CNKSR1: variants seen among roughly 807,000 people sequenced by gnomAD.
CNKSR1 encodes CNK homolog protein 1.
In CNKSR1, 88 loss-of-function variants were observed where a neutral mutation model predicts 95.6. That is an observed-to-expected ratio of 0.92 (90% confidence interval 0.78 to 1.10). The LOEUF is 1.10. Ranked by LOEUF, CNKSR1 falls within the 50% of genes least tolerant of loss-of-function variation. The pLI is 0.00. For missense variants in CNKSR1, 836 were observed against 912.0 expected (o/e 0.92, Z 1.07); for synonymous variants, 355 against 369.7 (o/e 0.96, Z 0.46).
Position 26,189,871 on chromosome 1 carries a change from A to T in CNKSR1, c.*323A>T. ...GGCTACTTTCCAACCAAATAAAGTC[A>T]ATTTTTCTAAGAATGAGTCTACATG... On this transcript the variant is annotated 3_prime_UTR_variant, in exon 21 of 21. Transcript: ENST00000361530. 1 of 551,296 alleles carries T rather than the reference A, an allele frequency of 1.8e-6. No individual in the cohort carries two copies. The highest frequency in any genetic ancestry group is 3.3e-6 in the Non-Finnish European group (1 of 300,942). 34.2% of individuals were successfully genotyped at this position (551,296 alleles called of 1,614,324 possible).
chr1:26,185,803 T>C (rs2088740594), intron 14 of CNKSR1, among the ~76,000 whole-genome samples: 1 of 152,118 alleles, frequency 6.6e-6, no homozygotes, highest in East Asian at 1.9e-4. Flanking sequence ...AATGCTGGGA[T>C]TATAGGCGTG....
At chr1:26,181,770 A>G in intron 3 of CNKSR1, 87 bp from the exon 4 acceptor site, 3 of 1,297,446 alleles carry the variant, frequency 2.3e-6, no homozygotes, top group Non-Finnish European at 3.3e-6. Context: ...ATTATCCCCA[A>G]GTCTCTGAGG....
intron 14 of CNKSR1, 95 bp downstream of exon 14, chr1:26,185,281 A>G: frequency 4.5e-6 from 6 of 1,346,404 alleles, no homozygotes; most frequent in South Asian, 1.3e-5. Flanking sequence ...TTCCTGGTCC[A>G]AGGCTTTGAT....
In CNKSR1 at chr1:26,184,060, T is replaced by A; in HGVS notation, c.856-11T>A. The A allele has an allele frequency of 6.5e-7, 1 of 1,548,018 alleles. No homozygotes were observed. The highest frequency in any genetic ancestry group is 1.1e-5 in the South Asian group (1 of 89,776). On this transcript the variant is annotated splice_polypyrimidine_tract_variant and intron_variant, in intron 9 of 20. Coordinates refer to ENST00000361530, the MANE Select transcript of CNKSR1 (RefSeq NM_006314.3). ...CCTGTCTCCATTGCTTTGTTCCTGG[T>A]TGTTCCCCAGACGCCCCCTCAGGTC...
rs1439297560 is a variant in CNKSR1 at position 26,188,306 on chromosome 1, A to T, written c.1527A>T (p.Glu509Asp). ...SPGRAPPPRE[E>D]DCYSETEAED... is the part of the protein sequence containing the mutation. ...GCCGGGCCCCCCCACCCCGAGAGGA[A>T]GGTAGGTGTCTCGCAGGGTTGAGTG... The change falls in exon 17 of 21, where the codon GAA becomes GAT. Residue 509 changes from glutamate (E) to aspartate (D), a missense_variant and splice_region_variant. Coordinates refer to ENST00000361530, the MANE Select transcript of CNKSR1 (RefSeq NM_006314.3). 1.2e-6 allele frequency: 2 copies of T among 1,613,922 alleles called. No individual in the cohort carries two copies. Among genetic ancestry groups the T allele is most frequent in the Non-Finnish European group, 1.7e-6 (2 of 1,179,916 alleles).
chr1:26,188,405 T>C (rs745749609), intron 17 of CNKSR1, 37 bp from the exon 18 acceptor site: 4 of 1,606,992 alleles, frequency 2.5e-6, no homozygotes, highest in South Asian at 2.2e-5. Flanking sequence ...GGCCACTCCC[T>C]GGCCTCCCAA....
At chr1:26,183,486 G>A in intron 8 of CNKSR1, 72 bp downstream of exon 8, 1 of 1,506,606 alleles carries the variant, frequency 6.6e-7, no homozygotes, top group South Asian at 1.1e-5. Flanking sequence ...TGGGTGGGGA[G>A]GCAACCAAGG....
chr1:26,187,420 G>C lies in CNKSR1; in HGVS notation c.1392G>C (p.Gln464His). The change falls in exon 16 of 21, where the codon CAG (glutamine) becomes CAC (histidine). Residue 464 changes from glutamine to histidine, a missense_variant. Coordinates refer to ENST00000361530, the MANE Select transcript of CNKSR1 (RefSeq NM_006314.3). ...GHDQKKKYVF[Q>H]LTHDVYKPFI... ...CTCCACTACCTGGCAGTGTGTTTCA[G>C]CTCACCCATGATGTGTACAAACCCT... 1 of 1,614,046 alleles carries C rather than the reference G, an allele frequency of 6.2e-7. No homozygotes were observed. The highest frequency in any genetic ancestry group is 8.5e-7 in the Non-Finnish European group (1 of 1,179,996).
At position 26,182,532 on chromosome 1, in the gene CNKSR1, A is replaced by T. The variant is rs749620417; in HGVS notation, c.572A>T (p.Glu191Val). 1.2e-6 allele frequency: 2 copies of T among 1,613,814 alleles called. No individual in the cohort carries two copies. Among genetic ancestry groups the T allele is most frequent in the Admixed American group, 3.3e-5 (2 of 60,014 alleles). The change falls in exon 6 of 21, where the codon GAG becomes GTG. Residue 191 changes from glutamate (E) to valine (V), a missense_variant. Transcript: ENST00000361530. ...CHNILVCCPKELLEQKAVLEQ... is the reference protein window; with the variant it reads ...CHNILVCCPKVLLEQKAVLEQ... ...AACATCCTGGTCTGCTGCCCCAAGG[A>T]GCTGCTGGAACAGAAGGCCGTGCTC...
At chr1:26,187,514 A>G (rs994502891) in intron 16 of CNKSR1, 32 bp downstream of exon 16, 3 of 1,607,094 alleles carry the variant, frequency 1.9e-6, no homozygotes, top group Admixed American at 1.7e-5. Flanking sequence ...CCCTACTCTC[A>G]TATGATTCCC....
intron 14 of CNKSR1, chr1:26,186,928 TGGCTG>T: frequency 4.2e-6 from 2 of 472,396 alleles, no homozygotes; most frequent in Non-Finnish European, 3.8e-6. Context: ...TTTTTTTTTT[TGGCTG>T]TTTCTCTGAT....
At position 26,189,294 on chromosome 1, in the gene CNKSR1, C is replaced by CT; in HGVS notation, c.1889dup (p.Gln631AlafsTer9). On this transcript the variant is annotated frameshift_variant, in exon 21 of 21. Transcript: ENST00000361530. LOFTEE classifies it low-confidence loss of function (END_TRUNC). ...CTCCACACAGGCAAAGCTGCAGGAGCTGCAGGTCCTAGAAGAAGTGCTGGG... is the reference window on the plus strand; with the variant it reads ...CTCCACACAGGCAAAGCTGCAGGAGCTTGCAGGTCCTAGAAGAAGTGCTGGG... The CT allele has an allele frequency of 6.2e-7, 1 of 1,614,176 alleles. No homozygotes were observed.
At chr1:26,187,526 A>C (rs377699404) in intron 16 of CNKSR1, 44 bp downstream of exon 16, 19 of 1,594,026 alleles carry the variant, frequency 1.2e-5, no homozygotes, top group Non-Finnish European at 1.3e-5. Flanking sequence ...ATGATTCCCA[A>C]ACTCTGTGAG....
intron 14 of CNKSR1, 62 bp from the exon 15 acceptor site, chr1:26,187,106 A>G (rs562415244): frequency 1.5e-4 from 193 of 1,300,650 alleles, no homozygotes; most frequent in Middle Eastern, 4.2e-4. Context: ...GGTAACTAGG[A>G]GCTGACTGGG....
At chr1:26,184,716 C>T (rs2088717250) in intron 13 of CNKSR1, 104 bp downstream of exon 13, 1 of 1,339,696 alleles carries the variant, frequency 7.5e-7, no homozygotes, top group Non-Finnish European at 1.0e-6. Context: ...CACAGCCTCT[C>T]CTGGAAACAG....
rs1414904864 is a variant in CNKSR1 at position 26,188,963 on chromosome 1, G to A, written c.1872+10G>A. 5.6e-6 allele frequency: 9 copies of A among 1,612,714 alleles called. No homozygotes were observed. Among genetic ancestry groups the A allele is most frequent in the Non-Finnish European group, 6.8e-6 (8 of 1,179,364 alleles). On this transcript the variant is annotated intron_variant, in intron 20 of 20. Transcript: ENST00000361530. ...ACAGAGCACACTCAAGGTCAGCTGGGGGGCTCTGGGCACAGCAAGGGACTA... is the reference window on the plus strand; with the variant it reads ...ACAGAGCACACTCAAGGTCAGCTGGAGGGCTCTGGGCACAGCAAGGGACTA...
chr1:26,188,717 AGCTGGGCTGGGG>A lies in CNKSR1; in HGVS notation c.1690+27_1691-37del, dbSNP rs1311833529. 4 of 1,612,200 alleles carry A rather than the reference AGCTGGGCTGGGG, an allele frequency of 2.5e-6. No homozygotes were observed. The highest frequency in any genetic ancestry group is 1.7e-5 in the Admixed American group (1 of 59,928). On this transcript the variant is annotated intron_variant, in intron 19 of 20. Transcript: ENST00000361530. Reference sequence around the variant, plus strand: ...TGACAGGTGCTGGGCTGGAGTTGGGAGCTGGGCTGGGGGCTGGGGTGGGCACATCCTCATCCT... The same window carrying A: ...TGACAGGTGCTGGGCTGGAGTTGGGAGCTGGGGTGGGCACATCCTCATCCT...
chr1:26,177,703 C>G (rs1557617621), intron 1 of CNKSR1, 104 bp downstream of exon 1: 1 of 1,345,908 alleles, frequency 7.4e-7, no homozygotes, highest in South Asian at 1.3e-5. Context: ...GGACTGGGTG[C>G]GCTGGTTCAC....
chr1:26,189,529 T>G lies in CNKSR1; in HGVS notation c.2123T>G (p.Leu708Arg). The G allele has an allele frequency of 6.4e-7, 1 of 1,551,276 alleles. No individual in the cohort carries two copies. Among genetic ancestry groups the G allele is most frequent in the Non-Finnish European group, 8.9e-7 (1 of 1,122,834 alleles). Reference protein sequence around the residue: ...HLCPLTSESSLRPPDL With the variant: ...HLCPLTSESSRRPPDL ...TGCCCCCTGACCTCAGAGAGCAGCC[T>G]CCGACCTCCTGACCTCTGACCCTGG... Residue 708 changes from leucine (L) to arginine (R), a missense_variant, in exon 21 of 21, where the codon CTC (leucine) becomes CGC (arginine). Leu to Arg is a moderately radical substitution (Grantham distance 102). Transcript: ENST00000361530.
Sources: gnomAD v4.1 joint callset for allele counts (sites outside exome capture counted in the v4.1 genomes callset) on GRCh38, gnomAD v4.1.1 for gene constraint, MANE v1.5 for transcripts, NCBI Gene and HGNC (gene_info 2026-07-23, HGNC 2026-07-21) for gene names.